Variants in ARHGAP42 observed in about 807,000 individuals in gnomAD.
ARHGAP42 encodes Rho GTPase activating protein 42, also known as rho GTPase-activating protein 42.
ARHGAP42 carries 63 observed loss-of-function variants against 125.0 expected under a neutral mutation model. That is an observed-to-expected ratio of 0.50 (90% CI 0.41 to 0.62). ARHGAP42 has a LOEUF of 0.62. Among genes scored for constraint, ARHGAP42 ranks in the 20% least tolerant of loss-of-function variants. The probability of loss-of-function intolerance (pLI) is 0.00; values close to 1 mark genes in which losing one functional copy is unlikely to be tolerated. For missense variants in ARHGAP42, 766 were observed against 1,024.2 expected (o/e 0.75, Z 3.44); for synonymous variants, 339 against 351.0 (o/e 0.97, Z 0.38).
intron 19 of ARHGAP42, among the ~76,000 whole-genome samples, 158 bp from the exon 20 acceptor site, chr11:100,975,899 A>G (rs1858377462): frequency 6.6e-6 from 1 of 152,212 alleles, no homozygotes; most frequent in East Asian, 1.9e-4. Context: ...TTTCTCCAGT[A>G]CTGAGGACAG....
At chr11:100,830,292 T>TA (rs1864634494) in intron 3 of ARHGAP42, among the ~76,000 whole-genome samples, 1 of 152,176 alleles carries the variant, frequency 6.6e-6, no homozygotes, top group South Asian at 2.1e-4. Context: ...TAAGTAAAAA[T>TA]ACCAATTTCA....
chr11:100,710,524 G>A (rs1365508397), intron 1 of ARHGAP42, among the ~76,000 whole-genome samples: 1 of 144,406 alleles, frequency 6.9e-6, no homozygotes, highest in Non-Finnish European at 1.5e-5. Context: ...ATGAGCCACT[G>A]CGCCCGGCCA....
At chr11:100,935,792 G>A (rs1867722500) in intron 7 of ARHGAP42, among the ~76,000 whole-genome samples, 1 of 152,058 alleles carries the variant, frequency 6.6e-6, no homozygotes, top group Admixed American at 6.6e-5. Flanking sequence ...ACATAGATGT[G>A]GTGAATACTG....
rs150194139 is a variant in ARHGAP42, at chr11:100,837,177, A to G, written c.313-22377A>G. 4.1e-3 allele frequency among the ~76,000 whole-genome samples: 624 copies of G among 152,122 alleles called. 5 individuals are homozygous for G. The highest frequency in any genetic ancestry group is 0.014 in the African/African-American group (587 of 41,506). ...TTGTCTTGAGACTGTTTCAACCACCATGCTTTTTTTCAACCCTAAATGTTT... is the reference window on the plus strand; with the variant it reads ...TTGTCTTGAGACTGTTTCAACCACCGTGCTTTTTTTCAACCCTAAATGTTT... On this transcript the variant is annotated intron_variant, in intron 3 of 23. Transcript: ENST00000298815.
In ARHGAP42 at chr11:100,687,918, G is replaced by A. The variant is rs186312627; in HGVS notation, c.154+86G>A. 10,328 of 1,401,124 alleles carry A rather than the reference G, an allele frequency of 7.4e-3. 57 individuals carry two copies. Among genetic ancestry groups the A allele is most frequent in the Middle Eastern group, 0.016 (73 of 4,616 alleles). 86.8% of individuals were successfully genotyped at this position (1,401,124 alleles called of 1,614,324 possible). A position where few individuals can be genotyped will look rare whatever the true frequency, so the allele number is the denominator to read the frequency against. On this transcript the variant is annotated intron_variant, in intron 1 of 23. Coordinates refer to ENST00000298815, the MANE Select transcript of ARHGAP42 (RefSeq NM_152432.4). ...TCCGAAGGGTGGGTTGGAGGAGTCG[G>A]AGCTTCTTTTGTTTGAATGGATTTG... is the stretch of plus-strand genomic sequence containing the variant.
chr11:100,961,950 A>AT (rs1204256345), intron 15 of ARHGAP42, among the ~76,000 whole-genome samples, 182 bp downstream of exon 15: 6 of 152,050 alleles, frequency 3.9e-5, no homozygotes, highest in Admixed American at 1.3e-4. Context: ...CTTGTACTTG[A>AT]TTTTTTCAAT....
chr11:100,829,454 A>T (rs1255096692), intron 3 of ARHGAP42, among the ~76,000 whole-genome samples: 2 of 151,966 alleles, frequency 1.3e-5, no homozygotes, highest in Non-Finnish European at 2.9e-5. Flanking sequence ...TGGGTTGGAG[A>T]TGTATTTTAA....
intron 1 of ARHGAP42, among the ~76,000 whole-genome samples, chr11:100,712,517 T>G (rs1306444526): frequency 2.6e-5 from 4 of 152,162 alleles, no homozygotes; most frequent in African/African-American, 4.8e-5. Context: ...ATATTTTTCT[T>G]CCTCCCCCCT....
chr11:100,893,351 T>C (rs531356109), intron 4 of ARHGAP42, among the ~76,000 whole-genome samples: 1 of 152,138 alleles, frequency 6.6e-6, no homozygotes, highest in African/African-American at 2.4e-5. Flanking sequence ...AAAGAACAAA[T>C]AGATAATGCT....
chr11:100,879,372 T>C (rs1330098146), intron 4 of ARHGAP42, among the ~76,000 whole-genome samples: 1 of 152,218 alleles, frequency 6.6e-6, no homozygotes, highest in African/African-American at 2.4e-5. Context: ...CCGTCTGTGC[T>C]TAACTGTCAA....
chr11:100,888,237 A>T (rs561926527), intron 4 of ARHGAP42, among the ~76,000 whole-genome samples: 104 of 66,672 alleles, frequency 1.6e-3, no homozygotes, highest in Non-Finnish European at 1.8e-3. Flanking sequence ...CTTTCCTTTT[A>T]AAAAAAAAAA....
At chr11:100,987,423 A>G (rs1381923499) in intron 22 of ARHGAP42, 90 bp from the exon 23 acceptor site, 1 of 1,109,060 alleles carries the variant, frequency 9.0e-7, no homozygotes, top group Non-Finnish European at 1.3e-6. Context: ...ATTACAAGTA[A>G]AAATTAATAG....
chr11:100,988,622 G>C, intron 23 of ARHGAP42, 91 bp from the exon 24 acceptor site: 1 of 1,055,494 alleles, frequency 9.5e-7, no homozygotes, highest in Non-Finnish European at 1.4e-6. Flanking sequence ...ACTGAGGACT[G>C]ACAATCCGAT....
At chr11:100,691,196 C>T (rs1036384578) in intron 1 of ARHGAP42, among the ~76,000 whole-genome samples, 1 of 152,132 alleles carries the variant, frequency 6.6e-6, no homozygotes, top group African/African-American at 2.4e-5. Context: ...TATGACTGAA[C>T]ATCTCTACCC....
intron 3 of ARHGAP42, among the ~76,000 whole-genome samples, chr11:100,829,861 A>T (rs1388047249): frequency 6.6e-6 from 1 of 152,192 alleles, no homozygotes; most frequent in East Asian, 1.9e-4. Context: ...TTTTAACAAA[A>T]TTCATCCATT....
rs1469540882 is a variant in ARHGAP42, at chr11:100,916,387, T to G, written c.486+2834T>G. Among the ~76,000 whole-genome samples, 4 of 152,196 alleles carry G rather than the reference T, an allele frequency of 2.6e-5. No homozygotes were observed. In the East Asian group the frequency reaches 7.7e-4, roughly 29 times the overall value. On this transcript the variant is annotated intron_variant, in intron 5 of 23. Coordinates refer to ENST00000298815, the MANE Select transcript of ARHGAP42 (RefSeq NM_152432.4). ...CATATGACATGGGGCTATCATCTCTTATATACAAGAAGCATTGGAAAATCA... is the reference window on the plus strand; with the variant it reads ...CATATGACATGGGGCTATCATCTCTGATATACAAGAAGCATTGGAAAATCA...
intron 1 of ARHGAP42, among the ~76,000 whole-genome samples, chr11:100,751,773 C>CTTTTTTTTTT (rs757372755): frequency 3.6e-5 from 3 of 84,358 alleles, no homozygotes; most frequent in Non-Finnish European, 6.9e-5. Flanking sequence ...AGACAGGCAC[C>CTTTTTTTTTT]TTTTTTTTTT....
intron 3 of ARHGAP42, chr11:100,839,929 TAGA>T (rs1268629865): frequency 6.6e-6 from 1 of 152,166 alleles, no homozygotes; most frequent in Admixed American, 6.6e-5. Context: ...AAACTTCTCC[TAGA>T]AGGAGACTGT....
intron 6 of ARHGAP42, 91 bp from the exon 7 acceptor site, chr11:100,933,065 T>C (rs991231773): frequency 1.2e-6 from 1 of 851,778 alleles, no homozygotes; most frequent in African/African-American, 1.8e-5. Context: ...TTTGAGGAAT[T>C]ATAATGAAAT....
Sources: allele counts gnomAD v4.1 joint callset (sites outside exome capture counted in the v4.1 genomes callset), GRCh38; gene constraint gnomAD v4.1.1; transcripts MANE v1.5; gene names NCBI Gene and HGNC (gene_info 2026-07-23, HGNC 2026-07-21).